The following SENP6 variants were observed in gnomAD, a reference collection of about 807,000 sequenced individuals.
SENP6 encodes the protein SUMO specific peptidase 6.
Under a neutral mutation model 134.5 loss-of-function variants are expected in SENP6, and 41 were observed. The observed-to-expected ratio is 0.30, with a 90% CI of 0.24 to 0.40. The LOEUF is 0.40. SENP6 is among the 10% of genes least tolerant of loss of function. The pLI, the probability that SENP6 is intolerant of heterozygous loss-of-function variation, is 1.00. For missense variants in SENP6, 1,248 were observed against 1,312.5 expected (o/e 0.95, Z 0.76); for synonymous variants, 395 against 429.8 (o/e 0.92, Z 1.00).
intron 5 of SENP6, among the ~76,000 whole-genome samples, chr6:75,635,968 T>G (rs1394553287): frequency 6.6e-6 from 1 of 152,126 alleles, no homozygotes; most frequent in Non-Finnish European, 1.5e-5. Flanking sequence ...ATTACATTAT[T>G]TTTGCTTTTG....
rs79768025 is a variant in SENP6 at position 75,681,129 on chromosome 6, C to T, written c.2075+2202C>T. The stretch of plus-strand genomic sequence containing the variant: ...CTGATACAGTTGAGGTTTGTGTCCC[C>T]GCCCAAATCTCATGTCCATTTGTAA... On this transcript the variant is annotated intron_variant, in intron 16 of 23. Transcript: ENST00000447266. Among the ~76,000 whole-genome samples the T allele has an allele frequency of 5.5e-3, 837 of 152,298 alleles. 6 individuals are homozygous for T. Among genetic ancestry groups the T allele is most frequent in the African/African-American group, 0.018 (760 of 41,564 alleles).
intron 7 of SENP6, among the ~76,000 whole-genome samples, chr6:75,650,858 A>G (rs1429466408): frequency 1.3e-5 from 2 of 152,220 alleles, no homozygotes; most frequent in Non-Finnish European, 2.9e-5. Flanking sequence ...TTACTTGCAT[A>G]ACACTTAGCA....
chr6:75,685,485 ATTTTAGATCTTTCC>A, intron 16 of SENP6, among the ~76,000 whole-genome samples: 1 of 152,184 alleles, frequency 6.6e-6, no homozygotes, highest in Middle Eastern at 3.4e-3. Flanking sequence ...TAGGGTGTCA[ATTTTAGATCTTTCC>A]TGCTTTCTCT....
intron 1 of SENP6, among the ~76,000 whole-genome samples, chr6:75,620,162 C>T (rs184174347): frequency 6.6e-6 from 1 of 151,406 alleles, no homozygotes; most frequent in Admixed American, 6.6e-5. Flanking sequence ...TTTTGATTTG[C>T]ATTTTTTAAT....
At chr6:75,647,867 A>T in intron 7 of SENP6, 66 bp downstream of exon 7, 2 of 1,223,144 alleles carry the variant, frequency 1.6e-6, no homozygotes, top group Non-Finnish European at 2.4e-6. Context: ...TACAATGGAG[A>T]TACGATGCTG....
chr6:75,666,216 G>GTATA (rs910337054), intron 9 of SENP6, among the ~76,000 whole-genome samples: 155 of 139,262 alleles, frequency 1.1e-3, no homozygotes, highest in African/African-American at 3.8e-3. Flanking sequence ...ATATATATAA[G>GTATA]TATGATATAT....
At chr6:75,670,387 T>C (rs911419006) in intron 10 of SENP6, among the ~76,000 whole-genome samples, 166 bp from the exon 11 acceptor site, 6 of 152,354 alleles carry the variant, frequency 3.9e-5, no homozygotes, top group Non-Finnish European at 8.8e-5. Flanking sequence ...GGATTTACTG[T>C]TATATAAAAA....
chr6:75,607,022 A>G (rs1338799712), intron 1 of SENP6, among the ~76,000 whole-genome samples: 2 of 152,140 alleles, frequency 1.3e-5, no homozygotes, highest in Admixed American at 6.5e-5. Context: ...GCGGTGCAAG[A>G]TGATACTGGA....
chr6:75,711,934 A>C (rs1490483939), intron 21 of SENP6, among the ~76,000 whole-genome samples: 1 of 152,162 alleles, frequency 6.6e-6, no homozygotes, highest in Non-Finnish European at 1.5e-5. Flanking sequence ...GAGCCTTCCA[A>C]ATTGCTGGGA....
intron 1 of SENP6, among the ~76,000 whole-genome samples, chr6:75,614,617 A>G (rs1767713565): frequency 6.6e-6 from 1 of 151,990 alleles, no homozygotes; most frequent in Admixed American, 6.6e-5. Context: ...ATACTTTGAA[A>G]CCTGTAAATA....
At chr6:75,662,118 G>T (rs921298702) in intron 8 of SENP6, among the ~76,000 whole-genome samples, 1 of 151,970 alleles carries the variant, frequency 6.6e-6, no homozygotes, top group African/African-American at 2.4e-5. Context: ...ACATCTTTAG[G>T]ATATTTAGTA....
chr6:75,711,960 A>G (rs1775774877), intron 21 of SENP6, among the ~76,000 whole-genome samples: 1 of 152,218 alleles, frequency 6.6e-6, no homozygotes, highest in South Asian at 2.1e-4. Context: ...GGCGTGACCC[A>G]TCGCGCCCGG....
chr6:75,619,573 C>T (rs574956310), intron 1 of SENP6, among the ~76,000 whole-genome samples: 4 of 152,176 alleles, frequency 2.6e-5, no homozygotes, highest in African/African-American at 9.6e-5. Context: ...CTGCTATGAA[C>T]ATTGGCATAC....
intron 1 of SENP6, among the ~76,000 whole-genome samples, chr6:75,612,459 G>T (rs1767526994): frequency 6.6e-6 from 1 of 152,246 alleles, no homozygotes; most frequent in South Asian, 2.1e-4. Flanking sequence ...AGCCTCCTTA[G>T]TAGCTGGGAC....
intron 1 of SENP6, among the ~76,000 whole-genome samples, chr6:75,617,695 T>G (rs538778814): frequency 6.6e-6 from 1 of 152,364 alleles, no homozygotes; most frequent in South Asian, 2.1e-4. Flanking sequence ...GTGTTATTAC[T>G]ATTACCTGAA....
chr6:75,658,973 C>CAAAAAAA (rs1412151177), intron 7 of SENP6, among the ~76,000 whole-genome samples: 1 of 28,538 alleles, frequency 3.5e-5, no homozygotes, highest in Non-Finnish European at 7.5e-5. Flanking sequence ...CCTTGTCTCC[C>CAAAAAAA]CAAAAAAAAA....
At chr6:75,678,448 T>G in intron 14 of SENP6, 135 bp from the exon 15 acceptor site, 1 of 583,408 alleles carries the variant, frequency 1.7e-6, no homozygotes, top group Non-Finnish European at 3.0e-6. Context: ...TTTTAATTGT[T>G]AAGTATCATG....
At chr6:75,685,523 T>G (rs948642248) in intron 16 of SENP6, among the ~76,000 whole-genome samples, 1 of 152,238 alleles carries the variant, frequency 6.6e-6, no homozygotes, top group Admixed American at 6.5e-5. Context: ...GGGCATTTAG[T>G]GCTATTAATT....
intron 3 of SENP6, among the ~76,000 whole-genome samples, chr6:75,628,381 A>G (rs1355517854): frequency 6.6e-6 from 1 of 152,174 alleles, no homozygotes; most frequent in Non-Finnish European, 1.5e-5. Flanking sequence ...AGTTGTCATT[A>G]TAATTATTAA....
Sources: gnomAD v4.1 joint callset for allele counts (sites outside exome capture counted in the v4.1 genomes callset) on GRCh38, gnomAD v4.1.1 for gene constraint, MANE v1.5 for transcripts, NCBI Gene and HGNC (gene_info 2026-07-23, HGNC 2026-07-21) for gene names.